The following LINGO2 variants were observed in gnomAD, a reference collection of about 807,000 sequenced individuals.
LINGO2 encodes leucine rich repeat and Ig domain containing 2.
In LINGO2, 14 loss-of-function variants were observed where a neutral mutation model predicts 30.6. The observed-to-expected ratio is 0.46, with a 90% CI of 0.30 to 0.72. LINGO2 has a LOEUF of 0.72. Among genes scored for constraint, LINGO2 ranks in the 30% least tolerant of loss-of-function variants. The probability of loss-of-function intolerance (pLI) is 0.07; values close to 1 mark genes in which losing one functional copy is unlikely to be tolerated. For synonymous variants in LINGO2, 317 were observed against 288.5 expected (o/e 1.10, Z -1.00); for missense variants, 729 against 751.7 (o/e 0.97, Z 0.35).
In LINGO2 at chr9:28,230,688, C is replaced by A. The variant is rs1350724848; in HGVS notation, c.-87+64520G>T. Among the ~76,000 whole-genome samples the A allele has an allele frequency of 4.0e-5, 6 of 151,770 alleles. No homozygotes were observed. In the East Asian group the frequency reaches 1.2e-3, roughly 29 times the overall value. On this transcript the variant is annotated intron_variant, in intron 4 of 5. Coordinates refer to ENST00000379992, the Ensembl canonical transcript of LINGO2. ...AGATTTTAATTGAATTGCAAAAAAT[C>A]TGCAAATTAATTTGTAAATAATTTA...
intron 4 of LINGO2, among the ~76,000 whole-genome samples, chr9:28,248,498 T>C (rs1283116273): frequency 6.6e-6 from 1 of 152,114 alleles, no homozygotes. Context: ...GATATGCAGA[T>C]TGTTGACGGG....
At chr9:29,005,835 C>A in the LINGO2 span, among the ~76,000 whole-genome samples, 5 of 152,064 alleles carry the variant, frequency 3.3e-5, no homozygotes, top group East Asian at 9.7e-4. Context: ...CAAGGGTCAA[C>A]TGTAGGTGTT....
intron 4 of LINGO2, among the ~76,000 whole-genome samples, chr9:28,251,324 G>A (rs2134010620): frequency 6.6e-6 from 1 of 152,196 alleles, no homozygotes; most frequent in African/African-American, 2.4e-5. Flanking sequence ...AGAAGGGTAG[G>A]AACCTAACTT....
At chr9:29,028,803 C>T in the LINGO2 span, among the ~76,000 whole-genome samples, 1 of 152,102 alleles carries the variant, frequency 6.6e-6, no homozygotes, top group African/African-American at 2.4e-5. Flanking sequence ...CTTAAGGCAA[C>T]CCAGACTCCA....
intron 1 of LINGO2, among the ~76,000 whole-genome samples, chr9:28,526,514 A>AT (rs1352122281): frequency 2.0e-5 from 3 of 152,234 alleles, no homozygotes; most frequent in African/African-American, 7.2e-5. Context: ...CTACCCTATG[A>AT]TAGCAAGATA....
chr9:28,923,334 C>T, the LINGO2 span, among the ~76,000 whole-genome samples: 8 of 152,236 alleles, frequency 5.3e-5, no homozygotes, highest in African/African-American at 7.2e-5. Flanking sequence ...CAGAATCTCA[C>T]GAGTGGCTTT....
intron 3 of LINGO2, among the ~76,000 whole-genome samples, chr9:28,308,840 A>T (rs1254486480): frequency 2.0e-5 from 3 of 152,200 alleles, no homozygotes; most frequent in Non-Finnish European, 4.4e-5. Context: ...AATGCTCACC[A>T]TCACTGGCCA....
At chr9:28,818,121 G>C in the LINGO2 span, among the ~76,000 whole-genome samples, 9 of 152,258 alleles carry the variant, frequency 5.9e-5, no homozygotes, top group African/African-American at 1.9e-4. Context: ...CCTCTCTTCA[G>C]ATCAGAACTA....
At position 28,090,969 on chromosome 9, in the gene LINGO2, T is replaced by C. The variant is rs112849012; in HGVS notation, c.-86-78564A>G. ...TGAGTGAACTCCCATTCACAATTGT[T>C]TCAAAGAGGATAAAATACCTAGGAA... On this transcript the variant is annotated intron_variant, in intron 4 of 5. Coordinates refer to ENST00000379992, the Ensembl canonical transcript of LINGO2. Among the ~76,000 whole-genome samples, 478 of 152,236 alleles carry C rather than the reference T, an allele frequency of 3.1e-3. 2 individuals are homozygous for C. The highest frequency in any genetic ancestry group is 0.011 in the African/African-American group (467 of 41,534).
the LINGO2 span, among the ~76,000 whole-genome samples, chr9:29,095,057 T>C: frequency 1.4e-5 from 2 of 138,686 alleles, 1 homozygote; most frequent in African/African-American, 5.4e-5. Flanking sequence ...CAAATGAGTA[T>C]CAGAAATGTT....
chr9:29,024,414 T>C, the LINGO2 span, among the ~76,000 whole-genome samples: 1 of 152,146 alleles, frequency 6.6e-6, no homozygotes, highest in East Asian at 1.9e-4. Context: ...AATAAAGGTT[T>C]GTGAAAATCA....
intron 1 of LINGO2, among the ~76,000 whole-genome samples, chr9:28,495,624 G>C (rs750987450): frequency 5.9e-5 from 9 of 152,058 alleles, no homozygotes; most frequent in African/African-American, 2.2e-4. Flanking sequence ...CTGTAGGCTT[G>C]TAGTATAGTT....
At chr9:28,019,884 T>C (rs1024965095) in intron 4 of LINGO2, among the ~76,000 whole-genome samples, 1 of 152,148 alleles carries the variant, frequency 6.6e-6, no homozygotes, top group East Asian at 1.9e-4. Context: ...TCTTCCTACT[T>C]GTCAAATGAG....
At chr9:27,972,140 T>C (rs1001642710) in intron 5 of LINGO2, among the ~76,000 whole-genome samples, 9 of 152,088 alleles carry the variant, frequency 5.9e-5, no homozygotes, top group African/African-American at 2.2e-4. Flanking sequence ...GAAAGGTACT[T>C]AGGTAAAAGA....
intron 1 of LINGO2, among the ~76,000 whole-genome samples, chr9:28,579,832 C>T (rs777981432): frequency 5.9e-5 from 9 of 151,954 alleles, no homozygotes; most frequent in Non-Finnish European, 1.0e-4. Flanking sequence ...AATGGTATAG[C>T]GGGAGAACAA....
chr9:28,856,923 G>T, the LINGO2 span, among the ~76,000 whole-genome samples: 3 of 152,110 alleles, frequency 2.0e-5, no homozygotes, highest in Non-Finnish European at 4.4e-5. Context: ...ATCTAATCAC[G>T]TTTGGTGATG....
chr9:29,166,939 T>C, the LINGO2 span, among the ~76,000 whole-genome samples: 8 of 152,216 alleles, frequency 5.3e-5, no homozygotes, highest in South Asian at 1.2e-3. Flanking sequence ...AAAAGATAGA[T>C]AGATATGAGA....
chr9:29,124,361 TC>T, the LINGO2 span, among the ~76,000 whole-genome samples: 4 of 152,152 alleles, frequency 2.6e-5, no homozygotes, highest in African/African-American at 9.7e-5. Flanking sequence ...GGCAAAGACT[TC>T]ATGACTGAAA....
the LINGO2 span, among the ~76,000 whole-genome samples, chr9:28,711,254 T>A: frequency 6.6e-6 from 1 of 152,148 alleles, no homozygotes; most frequent in East Asian, 1.9e-4. Flanking sequence ...ATAATCTATA[T>A]TTTAGGGCTA....
Sources: gnomAD v4.1 joint callset for allele counts (sites outside exome capture counted in the v4.1 genomes callset) on GRCh38, gnomAD v4.1.1 for gene constraint, MANE v1.5 for transcripts, NCBI Gene and HGNC (gene_info 2026-07-23, HGNC 2026-07-21) for gene names.